Variants in C10orf53 observed in about 807,000 individuals in gnomAD.
The protein encoded by C10orf53 is UPF0728 protein C10orf53.
Under a neutral mutation model 9.4 loss-of-function variants are expected in C10orf53, and 8 were observed. The ratio of observed to expected loss-of-function variants is 0.85; its 90% CI spans 0.50 to 1.53. The LOEUF is 1.53. C10orf53 is among the 40% of genes most tolerant of loss of function. C10orf53 has a pLI of 0.00. For synonymous variants in C10orf53, 48 were observed against 46.0 expected, an observed-to-expected ratio of 1.04 and a Z score of -0.18; for missense variants, 117 against 117.8, an observed-to-expected ratio of 0.99 and a Z score of 0.03.
At chr10:49,681,754 G>A (rs1275808775) in intron 1 of C10orf53, among the ~76,000 whole-genome samples, 1 of 152,156 alleles carries the variant, frequency 6.6e-6, no homozygotes, top group East Asian at 1.9e-4. Context: ...GGAGAGCGGG[G>A]AGCAAGCTCA....
At position 49,693,657 on chromosome 10, in the gene C10orf53, T is replaced by C. The variant is rs1430620863; in HGVS notation, c.98-117T>C. Reference sequence around the variant, plus strand: ...GAAAGTGCCTACCAGGGCAGTTGAGTGATACCCATGAGCAACTAGATGGCA... The same window carrying C: ...GAAAGTGCCTACCAGGGCAGTTGAGCGATACCCATGAGCAACTAGATGGCA... On this transcript the variant is annotated intron_variant, in intron 1 of 2. Transcript: ENST00000374111. The C allele has an allele frequency of 4.6e-6, 6 of 1,291,536 alleles. No homozygotes were observed. The Admixed American group carries it at 1.3e-4, about 27-fold the overall frequency. The allele number at this position is 1,291,536 out of a possible 1,614,324, so 80.0% of individuals were successfully genotyped here.
chr10:49,701,956 C>T (rs1309746854), downstream of C10orf53, among the ~76,000 whole-genome samples: 2 of 152,140 alleles, frequency 1.3e-5, no homozygotes, highest in African/African-American at 2.4e-5. Context: ...AATTCCAGCA[C>T]TTTGGGAGGC....
At chr10:49,692,740 A>G (rs1225017973) in intron 1 of C10orf53, among the ~76,000 whole-genome samples, 2 of 152,218 alleles carry the variant, frequency 1.3e-5, no homozygotes, top group Non-Finnish European at 2.9e-5. Context: ...AATGTACATC[A>G]TTTCTTCTAA....
At chr10:49,703,191 G>T (rs554529970) in intron 2 of C10orf53, among the ~76,000 whole-genome samples, 7 of 152,152 alleles carry the variant, frequency 4.6e-5, no homozygotes, top group Admixed American at 3.3e-4. Context: ...ATAGTAGATA[G>T]GGACAGTGAG....
chr10:49,680,379 G>A (rs1840467865), intron 1 of C10orf53, among the ~76,000 whole-genome samples: 1 of 152,324 alleles, frequency 6.6e-6, no homozygotes, highest in African/African-American at 2.4e-5. Context: ...GAGAGGTCTG[G>A]AAAGGCTCAT....
downstream of C10orf53, among the ~76,000 whole-genome samples, chr10:49,699,899 C>CG (rs989122814): frequency 1.1e-3 from 173 of 151,994 alleles, 2 homozygotes; most frequent in East Asian, 9.7e-4. Flanking sequence ...GCTCATCCCC[C>CG]CCGAGATCAG....
At chr10:49,703,358 C>A (rs542639549) in intron 2 of C10orf53, among the ~76,000 whole-genome samples, 1 of 152,324 alleles carries the variant, frequency 6.6e-6, no homozygotes, top group East Asian at 1.9e-4. Context: ...TCAACACACG[C>A]CATGGGCCTT....
At chr10:49,692,577 TTC>T (rs1195755880) in intron 1 of C10orf53, among the ~76,000 whole-genome samples, 2 of 152,244 alleles carry the variant, frequency 1.3e-5, no homozygotes, top group Non-Finnish European at 2.9e-5. Flanking sequence ...CCCGTCTGTT[TTC>T]TCTTTCCATC....
rs1840616075 is a variant in C10orf53 at position 49,694,544 on chromosome 10, A to G, written c.224A>G (p.Asp75Gly). ...ATTATATCTGTTTCCCTAGGAGGCG[A>G]TGGTAAACTAGACCCACTGTGTGAA... ...CNIKDLEFGG[D>G]GKLDPLCEKA... The change falls in exon 3 of 3, where the codon GAT (aspartate) becomes GGT (glycine). Residue 75 changes from aspartate (D) to glycine (G), a missense_variant. Transcript: ENST00000374111. 1.2e-6 allele frequency: 2 copies of G among 1,614,234 alleles called. No homozygotes were observed. The highest frequency in any genetic ancestry group is 2.2e-5 in the South Asian group (2 of 91,088).
chr10:49,686,363 T>C (rs528667676), intron 1 of C10orf53, among the ~76,000 whole-genome samples: 1 of 152,262 alleles, frequency 6.6e-6, no homozygotes, highest in South Asian at 2.1e-4. Flanking sequence ...TTGTAAAATA[T>C]GTGTGTTTGA....
At chr10:49,700,049 A>G (rs1310984833), downstream of C10orf53, among the ~76,000 whole-genome samples, 7 of 152,258 alleles carry the variant, frequency 4.6e-5, no homozygotes, top group Admixed American at 2.0e-4. Flanking sequence ...AGCAGACTCA[A>G]CAATGGTGAG....
chr10:49,709,250 AG>A (rs949396143), exon 3 of C10orf53: 3 of 152,410 alleles, frequency 2.0e-5, no homozygotes, highest in Non-Finnish European at 2.9e-5. Flanking sequence ...TTGTGGCAAA[AG>A]GATGGTAAGA....
intron 1 of C10orf53, among the ~76,000 whole-genome samples, chr10:49,685,855 G>A (rs982336660): frequency 1.3e-5 from 2 of 152,048 alleles, no homozygotes; most frequent in African/African-American, 4.8e-5. Flanking sequence ...TTCTTGGATA[G>A]GTATTTTCAT....
downstream of C10orf53, among the ~76,000 whole-genome samples, chr10:49,700,861 C>T (rs1163667597): frequency 6.6e-6 from 1 of 152,170 alleles, no homozygotes; most frequent in African/African-American, 2.4e-5. Flanking sequence ...CAGCCCCCAT[C>T]CCTCCTGTCC....
intron 1 of C10orf53, among the ~76,000 whole-genome samples, chr10:49,683,412 T>G (rs1424415584): frequency 6.6e-6 from 1 of 152,268 alleles, no homozygotes; most frequent in Admixed American, 6.5e-5. Context: ...TCTTTAGATA[T>G]TCTGAATATG....
chr10:49,680,103 T>C (rs1005493244), intron 1 of C10orf53, among the ~76,000 whole-genome samples: 3 of 152,264 alleles, frequency 2.0e-5, no homozygotes, highest in Admixed American at 2.0e-4. Flanking sequence ...TAAGTGACTT[T>C]CACAACTCAA....
Position 49,679,753 on chromosome 10 carries a change from TACCGGTGGAGC to T in C10orf53, c.60_70del (p.Val21HisfsTer17). On this transcript the variant is annotated frameshift_variant, in exon 1 of 3. Transcript: ENST00000374111. LOFTEE classifies it high-confidence loss of function. ...TATGGGCCCTACAGCGCGGCAGGCC[TACCGGTGGAGC>T]ACCACACCTTCCGCCTGCAGGGCCT... The T allele has an allele frequency of 6.5e-7, 1 of 1,546,662 alleles. No homozygotes were observed. Among genetic ancestry groups the T allele is most frequent in the Non-Finnish European group, 8.7e-7 (1 of 1,145,742 alleles).
At chr10:49,681,942 A>G (rs1016494576) in intron 1 of C10orf53, among the ~76,000 whole-genome samples, 2 of 152,212 alleles carry the variant, frequency 1.3e-5, no homozygotes, top group Non-Finnish European at 2.9e-5. Flanking sequence ...GCAGTGTTGC[A>G]TGGTGATGTT....
In C10orf53 at chr10:49,708,862, A is replaced by G. The variant is rs79606841; in HGVS notation, c.*245A>G. 2.9e-4 allele frequency: 164 copies of G among 560,276 alleles called. 1 individual carries two copies. The East Asian group carries it at 5.3e-3, about 18-fold the overall frequency. The allele number at this position is 560,276 out of a possible 1,614,324, so 34.7% of individuals were successfully genotyped here. On this transcript the variant is annotated 3_prime_UTR_variant, in exon 3 of 3. Transcript: ENST00000374112. The stretch of plus-strand genomic sequence containing the variant: ...TTATGATCGATGAACTACTTACTCA[A>G]TTTGGGAACTTGGGGACAGCCCCCA...
Sources: gnomAD v4.1 joint callset for allele counts (sites outside exome capture counted in the v4.1 genomes callset) on GRCh38, gnomAD v4.1.1 for gene constraint, MANE v1.5 for transcripts, NCBI Gene and HGNC (gene_info 2026-07-23, HGNC 2026-07-21) for gene names.